DEPDC5: variants seen among roughly 807,000 people sequenced by gnomAD.
DEPDC5 encodes DEP domain containing 5, GATOR1 subcomplex subunit, also known as GATOR1 complex protein DEPDC5.
DEPDC5 carries 73 observed loss-of-function variants against 217.3 expected under a neutral mutation model. The observed-to-expected ratio is 0.34, with a 90% CI of 0.28 to 0.41. DEPDC5 has a LOEUF of 0.41. DEPDC5 is among the 10% of genes least tolerant of loss of function. The probability of loss-of-function intolerance (pLI) is 1.00; values close to 1 mark genes in which losing one functional copy is unlikely to be tolerated. For synonymous variants in DEPDC5, 733 were observed against 756.7 expected, an observed-to-expected ratio of 0.97 and a Z score of 0.51; for missense variants, 1,675 against 2,070.1, an observed-to-expected ratio of 0.81 and a Z score of 3.70.
intron 24 of DEPDC5, among the ~76,000 whole-genome samples, chr22:31,827,828 C>T (rs761480977): frequency 1.3e-5 from 2 of 152,154 alleles, no homozygotes; most frequent in Admixed American, 6.6e-5. Context: ...GGCTAAGATC[C>T]AGATGTCTGC....
At chr22:31,772,842 C>G (rs1231472406) in intron 7 of DEPDC5, among the ~76,000 whole-genome samples, 1 of 151,936 alleles carries the variant, frequency 6.6e-6, no homozygotes, top group East Asian at 1.9e-4. Context: ...AGTGTAGTAG[C>G]ATGATATCTC....
At chr22:31,851,772 T>G (rs1047950524) in intron 31 of DEPDC5, among the ~76,000 whole-genome samples, 3 of 152,080 alleles carry the variant, frequency 2.0e-5, no homozygotes, top group Admixed American at 2.0e-4. Flanking sequence ...TTTCCAGAAG[T>G]AACATTGAAC....
chr22:31,845,386 C>T, intron 30 of DEPDC5, 149 bp downstream of exon 30: 1 of 1,100,084 alleles, frequency 9.1e-7, no homozygotes. Flanking sequence ...TTTTCTCCTC[C>T]ACCGCGGGGT....
At chr22:31,844,055 G>C (rs545709517) in intron 29 of DEPDC5, among the ~76,000 whole-genome samples, 1 of 152,060 alleles carries the variant, frequency 6.6e-6, no homozygotes, top group African/African-American at 2.4e-5. Flanking sequence ...GCAAAATCCT[G>C]TCTCTACTAA....
At chr22:31,900,214 T>C (rs1330213137) in intron 40 of DEPDC5, among the ~76,000 whole-genome samples, 1 of 151,796 alleles carries the variant, frequency 6.6e-6, no homozygotes, top group Non-Finnish European at 1.5e-5. Flanking sequence ...GCCCAGCTAA[T>C]TTTTGTACTT....
intron 31 of DEPDC5, among the ~76,000 whole-genome samples, chr22:31,851,567 G>A (rs1454198735): frequency 3.9e-5 from 6 of 152,194 alleles, no homozygotes; most frequent in Non-Finnish European, 8.8e-5. Flanking sequence ...TGACTTGACT[G>A]TGTGCTCTGA....
chr22:31,788,441 ATTTT>A (rs570086659), intron 10 of DEPDC5, among the ~76,000 whole-genome samples: 1 of 137,086 alleles, frequency 7.3e-6, no homozygotes, highest in Non-Finnish European at 1.6e-5. Flanking sequence ...TGCCCGGGCA[ATTTT>A]TTTTTTTTTT....
intron 39 of DEPDC5, among the ~76,000 whole-genome samples, chr22:31,896,182 T>G (rs1011049190): frequency 2.0e-5 from 3 of 152,216 alleles, no homozygotes; most frequent in Non-Finnish European, 2.9e-5. Flanking sequence ...GCTAATCTCT[T>G]TATCATTATT....
At chr22:31,861,567 A>C in intron 33 of DEPDC5, 134 bp downstream of exon 33, 4 of 886,898 alleles carry the variant, frequency 4.5e-6, no homozygotes, top group Non-Finnish European at 7.1e-6. Flanking sequence ...ATTTGGTCTC[A>C]GAATTGTACA....
intron 30 of DEPDC5, 92 bp downstream of exon 30, chr22:31,845,329 T>A: frequency 6.9e-7 from 1 of 1,450,664 alleles, no homozygotes; most frequent in Non-Finnish European, 9.4e-7. Flanking sequence ...TCAGCCTACT[T>A]ATTTACTCCT....
chr22:31,816,947 C>G (rs1455983197), intron 21 of DEPDC5: 1 of 153,066 alleles, frequency 6.5e-6, no homozygotes, highest in Non-Finnish European at 1.5e-5. Flanking sequence ...TTCGGCATGA[C>G]TGTGCATTTT....
chr22:31,761,563 T>C (rs2082389295), intron 4 of DEPDC5, among the ~76,000 whole-genome samples: 1 of 149,970 alleles, frequency 6.7e-6, no homozygotes, highest in Non-Finnish European at 1.5e-5. Flanking sequence ...CTCTGGAGGC[T>C]GAGGTGGAAG....
intron 38 of DEPDC5, chr22:31,891,377 G>A (rs139327792): frequency 4.0e-5 from 12 of 298,528 alleles, no homozygotes; most frequent in Admixed American, 1.1e-4. Context: ...TCTTTCAGGC[G>A]TTCTCTTACT....
chr22:31,780,751 C>T (rs1396499482), intron 8 of DEPDC5, among the ~76,000 whole-genome samples: 2 of 152,232 alleles, frequency 1.3e-5, no homozygotes, highest in Non-Finnish European at 2.9e-5. Flanking sequence ...AGTTCCCACA[C>T]TGCAGTAGGT....
intron 38 of DEPDC5, among the ~76,000 whole-genome samples, chr22:31,889,937 G>A (rs918654622): frequency 6.6e-6 from 1 of 152,148 alleles, no homozygotes; most frequent in Admixed American, 6.6e-5. Flanking sequence ...GAGTGACCAA[G>A]TTCTTTAGCC....
At chr22:31,849,955 A>T (rs1211186746) in intron 31 of DEPDC5, among the ~76,000 whole-genome samples, 1 of 151,968 alleles carries the variant, frequency 6.6e-6, no homozygotes, top group Non-Finnish European at 1.5e-5. Flanking sequence ...TTGGGTAGGG[A>T]CACAGCCAAA....
chr22:31,810,344 C>G (rs2088130142), intron 19 of DEPDC5, among the ~76,000 whole-genome samples, 177 bp from the exon 20 acceptor site: 2 of 152,060 alleles, frequency 1.3e-5, no homozygotes, highest in African/African-American at 4.8e-5. Flanking sequence ...GGTCGTTATC[C>G]CATTTTTTCA....
Position 31,839,872 on chromosome 22 carries a change from C to T in DEPDC5, c.2515+1027C>T, listed in dbSNP as rs114163733. 4.6e-3 allele frequency among the ~76,000 whole-genome samples: 701 copies of T among 152,130 alleles called. 4 individuals carry two copies. Among genetic ancestry groups the T allele is most frequent in the African/African-American group, 0.015 (624 of 41,500 alleles). On this transcript the variant is annotated intron_variant, in intron 27 of 42. Coordinates refer to ENST00000651528, the MANE Select transcript of DEPDC5 (RefSeq NM_001242896.3). ...TAATAAGTATATGAATTTGGCTGGG[C>T]GTAATCCTAGCACGTTGGGAGGCTG...
chr22:31,821,669 C>T lies in DEPDC5; in HGVS notation c.2006+32C>T, dbSNP rs149993902. 1.0e-4 allele frequency: 161 copies of T among 1,602,348 alleles called. 1 individual carries two copies. The East Asian group carries it at 3.4e-3, about 34-fold the overall frequency. ...ATGTGCACAGGGCTCTGGAAGGTAA[C>T]CTGAGAACACTCTCCAGCACCCAGG... On this transcript the variant is annotated intron_variant, in intron 23 of 42. Transcript: ENST00000651528.
Sources: gnomAD v4.1 joint callset for allele counts (sites outside exome capture counted in the v4.1 genomes callset) on GRCh38, gnomAD v4.1.1 for gene constraint, MANE v1.5 for transcripts, NCBI Gene and HGNC (gene_info 2026-07-23, HGNC 2026-07-21) for gene names.